The following CNTNAP5 variants were observed in gnomAD, a reference collection of about 807,000 sequenced individuals.
The protein encoded by CNTNAP5 is contactin-associated protein-like 5.
CNTNAP5 carries 72 observed loss-of-function variants against 150.2 expected under a neutral mutation model. The observed-to-expected ratio is 0.48, with a 90% CI of 0.40 to 0.58. The LOEUF (loss-of-function observed/expected upper bound fraction) is 0.58. Ranked by LOEUF, CNTNAP5 falls within the 20% of genes least tolerant of loss-of-function variation. The pLI is 0.00. For synonymous variants in CNTNAP5, 672 were observed against 619.8 expected (o/e 1.08, Z -1.25); for missense variants, 1,636 against 1,626.2 (o/e 1.01, Z -0.10).
chr2:124,745,812 G>T (rs747440512), intron 13 of CNTNAP5, among the ~76,000 whole-genome samples: 14 of 152,224 alleles, frequency 9.2e-5, no homozygotes, highest in Middle Eastern at 3.4e-3. Context: ...CTAAAATGCT[G>T]ATGATTTTCA....
intron 3 of CNTNAP5, among the ~76,000 whole-genome samples, chr2:124,260,664 C>T (rs1170597): frequency 0.33 from 50,685 of 151,824 alleles, 8,828 homozygotes; most frequent in Admixed American, 0.41. Flanking sequence ...CTCAAATATC[C>T]GGTAATACTT....
chr2:124,885,238 A>C (rs1352971358), intron 21 of CNTNAP5, among the ~76,000 whole-genome samples: 1 of 151,888 alleles, frequency 6.6e-6, no homozygotes, highest in Non-Finnish European at 1.5e-5. Context: ...AGGTCTTGCA[A>C]TTGATTGAAT....
chr2:124,442,377 G>A (rs574841759), intron 5 of CNTNAP5, among the ~76,000 whole-genome samples: 1 of 152,272 alleles, frequency 6.6e-6, no homozygotes, highest in Non-Finnish European at 1.5e-5. Flanking sequence ...CCTTGATCCA[G>A]TCAACATAAC....
intron 3 of CNTNAP5, among the ~76,000 whole-genome samples, chr2:124,244,460 T>G (rs1037511154): frequency 6.6e-6 from 1 of 152,048 alleles, no homozygotes; most frequent in Non-Finnish European, 1.5e-5. Context: ...CTTGACATGG[T>G]AGGGCAGGTA....
intron 1 of CNTNAP5, among the ~76,000 whole-genome samples, chr2:124,150,666 AG>A (rs1346092397): frequency 6.6e-6 from 1 of 151,752 alleles, no homozygotes; most frequent in Non-Finnish European, 1.5e-5. Context: ...AAAGAGAAAA[AG>A]AAAAAGAAAG....
intron 1 of CNTNAP5, among the ~76,000 whole-genome samples, chr2:124,208,017 C>T (rs1685906914): frequency 6.6e-6 from 1 of 152,108 alleles, no homozygotes; most frequent in Admixed American, 6.6e-5. Context: ...GAGCATTTTA[C>T]AAGGAAAAGT....
At chr2:124,053,688 G>C (rs1681770799) in intron 1 of CNTNAP5, among the ~76,000 whole-genome samples, 1 of 152,156 alleles carries the variant, frequency 6.6e-6, no homozygotes, top group African/African-American at 2.4e-5. Flanking sequence ...ACAATACATG[G>C]TAGCTATTAT....
At chr2:124,870,985 A>C (rs1677735194) in intron 21 of CNTNAP5, among the ~76,000 whole-genome samples, 2 of 152,114 alleles carry the variant, frequency 1.3e-5, no homozygotes, top group Non-Finnish European at 2.9e-5. Flanking sequence ...GGTCAAAAAA[A>C]TGTCCATTTT....
intron 3 of CNTNAP5, among the ~76,000 whole-genome samples, chr2:124,261,990 TCTCAGCA>T (rs1687470280): frequency 6.6e-6 from 1 of 152,168 alleles, no homozygotes; most frequent in South Asian, 2.1e-4. Flanking sequence ...ATGCCTTTAA[TCTCAGCA>T]CTTTGAGAGG....
rs374477132 is a variant in CNTNAP5, at chr2:124,789,940, A to G, written c.2791A>G (p.Ile931Val). The G allele has an allele frequency of 6.2e-7, 1 of 1,613,854 alleles. No homozygotes were observed. The highest frequency in any genetic ancestry group is 8.5e-7 in the Non-Finnish European group (1 of 1,179,776). ...SSRQKGFLGC[I>V]RSLHLNGQKM... ...CAGACAGAAAGGCTTCCTAGGATGC[A>G]TTCGCTCCTTACACTTGAATGGACA... The change falls in exon 18 of 24, where the codon ATT (isoleucine) becomes GTT (valine). Residue 931 changes from isoleucine to valine, a missense_variant. Coordinates refer to ENST00000682447, the MANE Select transcript of CNTNAP5 (RefSeq NM_001367498.1).
intron 12 of CNTNAP5, 44 bp downstream of exon 12, chr2:124,609,964 A>G (rs767183630): frequency 1.3e-6 from 2 of 1,566,450 alleles, no homozygotes; most frequent in Admixed American, 1.8e-5. Context: ...ACCCCACTTC[A>G]TGGAAGGAAG....
chr2:124,619,008 A>G (rs1677547945), intron 12 of CNTNAP5, among the ~76,000 whole-genome samples: 1 of 152,234 alleles, frequency 6.6e-6, no homozygotes, highest in Non-Finnish European at 1.5e-5. Flanking sequence ...ACAGGTACTC[A>G]ATTTATAAAC....
At chr2:124,662,659 CAT>C (rs150183808) in intron 13 of CNTNAP5, among the ~76,000 whole-genome samples, 77 of 152,278 alleles carry the variant, frequency 5.1e-4, no homozygotes, top group African/African-American at 1.7e-3. Context: ...GTCACAGACA[CAT>C]GTCAAGAGAG....
At chr2:124,685,694 G>A (rs574631244) in intron 13 of CNTNAP5, among the ~76,000 whole-genome samples, 1 of 151,944 alleles carries the variant, frequency 6.6e-6, no homozygotes, top group Admixed American at 6.6e-5. Flanking sequence ...TTGTCTATGT[G>A]GTTAATGCCT....
At chr2:124,183,563 A>G (rs1685257757) in intron 1 of CNTNAP5, among the ~76,000 whole-genome samples, 2 of 152,218 alleles carry the variant, frequency 1.3e-5, no homozygotes, top group Admixed American at 6.5e-5. Context: ...CAGACCTGGC[A>G]TTAATCAATC....
chr2:124,347,245 C>T (rs1472748229), intron 3 of CNTNAP5, among the ~76,000 whole-genome samples: 1 of 152,160 alleles, frequency 6.6e-6, no homozygotes, highest in Non-Finnish European at 1.5e-5. Flanking sequence ...GAGGCAGCCC[C>T]CTCTCATGAC....
At chr2:124,219,186 C>T (rs1053204121) in intron 1 of CNTNAP5, among the ~76,000 whole-genome samples, 1 of 152,062 alleles carries the variant, frequency 6.6e-6, no homozygotes, top group East Asian at 1.9e-4. Flanking sequence ...ACAGTCAATT[C>T]TGCTACAACA....
intron 13 of CNTNAP5, among the ~76,000 whole-genome samples, chr2:124,658,495 C>CA (rs370216098): frequency 0.015 from 1,741 of 115,138 alleles, 25 homozygotes; most frequent in East Asian, 0.036. Flanking sequence ...ACAAACAAAC[C>CA]AAAAAAAAAA....
intron 7 of CNTNAP5, among the ~76,000 whole-genome samples, chr2:124,488,451 G>T (rs1435308471): frequency 6.6e-6 from 1 of 152,192 alleles, no homozygotes; most frequent in African/African-American, 2.4e-5. Context: ...TAACTAGCAT[G>T]TGATAGAATC....
Sources: allele counts gnomAD v4.1 joint callset (sites outside exome capture counted in the v4.1 genomes callset), GRCh38; gene constraint gnomAD v4.1.1; transcripts MANE v1.5; gene names NCBI Gene and HGNC (gene_info 2026-07-23, HGNC 2026-07-21).